Variants in ADGRB3 observed in about 807,000 individuals in gnomAD.
ADGRB3 encodes the protein brain-specific angiogenesis inhibitor 3.
In ADGRB3, 37 loss-of-function variants were observed where a neutral mutation model predicts 193.4. That is an observed-to-expected ratio of 0.19 (90% CI 0.15 to 0.25). The LOEUF is 0.25. Ranked by LOEUF, ADGRB3 falls within the 10% of genes least tolerant of loss-of-function variation. The probability of loss-of-function intolerance (pLI) is 1.00; values close to 1 mark genes in which losing one functional copy is unlikely to be tolerated. For synonymous variants in ADGRB3, 690 were observed against 644.2 expected, an observed-to-expected ratio of 1.07 and a Z score of -1.08; for missense variants, 1,637 against 1,852.9, an observed-to-expected ratio of 0.88 and a Z score of 2.14.
At chr6:69,019,350 T>G (rs1245277059) in intron 13 of ADGRB3, among the ~76,000 whole-genome samples, 1 of 152,052 alleles carries the variant, frequency 6.6e-6, no homozygotes, top group Non-Finnish European at 1.5e-5. Context: ...ATATTCGTAT[T>G]CACAGATATT....
chr6:69,245,827 C>G (rs1173052430), intron 20 of ADGRB3, among the ~76,000 whole-genome samples: 1 of 152,108 alleles, frequency 6.6e-6, no homozygotes, highest in Non-Finnish European at 1.5e-5. Flanking sequence ...CTATACACTT[C>G]TTAGGGCAGG....
intron 11 of ADGRB3, among the ~76,000 whole-genome samples, chr6:69,010,632 A>T (rs920157155): frequency 5.3e-5 from 8 of 152,006 alleles, no homozygotes; most frequent in Admixed American, 2.6e-4. Flanking sequence ...GGTGGGCAAC[A>T]TCTGCCCATA....
chr6:69,249,616 T>C (rs986168367), intron 20 of ADGRB3, among the ~76,000 whole-genome samples: 1 of 152,132 alleles, frequency 6.6e-6, no homozygotes, highest in East Asian at 1.9e-4. Flanking sequence ...CCAATCAAAT[T>C]CATGCATAGA....
intron 20 of ADGRB3, among the ~76,000 whole-genome samples, chr6:69,254,320 C>G (rs1211457834): frequency 6.6e-6 from 1 of 152,070 alleles, no homozygotes; most frequent in African/African-American, 2.4e-5. Flanking sequence ...TTATTCAAGA[C>G]GTAAAATAAG....
chr6:69,353,076 A>G (rs1365098371), intron 26 of ADGRB3, among the ~76,000 whole-genome samples: 2 of 152,224 alleles, frequency 1.3e-5, no homozygotes, highest in Admixed American at 6.5e-5. Context: ...AAAGATGTCC[A>G]TCAACAGCTC....
chr6:69,273,840 G>T (rs1260654114), intron 20 of ADGRB3, among the ~76,000 whole-genome samples: 1 of 152,188 alleles, frequency 6.6e-6, no homozygotes, highest in African/African-American at 2.4e-5. Context: ...CCGCCATATG[G>T]ACTACTATTC....
In ADGRB3 at chr6:68,670,893, T is replaced by C. The variant is rs1276716544; in HGVS notation, c.757+31461T>C. 3.9e-5 allele frequency among the ~76,000 whole-genome samples: 6 copies of C among 152,008 alleles called. No homozygotes were observed. The East Asian group carries it at 7.7e-4, about 20-fold the overall frequency. ...TACTGATTCCTTCCATCCATGAACA[T>C]TGAATATTTTTCAATTTTTTTGGTG... On this transcript the variant is annotated intron_variant, in intron 3 of 31. Transcript: ENST00000370598.
In ADGRB3 at chr6:68,638,869, C is replaced by A. The variant is rs781350346; in HGVS notation, c.194C>A (p.Thr65Asn). ...TGGACGCTGGAAAATCCAGATCCAA[C>A]CAAATATAGCATTTACCTGAAATTT... ...CTWTLENPDPTKYSIYLKFSK... is the reference protein window; with the variant it reads ...CTWTLENPDPNKYSIYLKFSK... Residue 65 changes from threonine (T) to asparagine (N), a missense_variant, in exon 3 of 32, where the codon ACC (threonine) becomes AAC (asparagine). By Grantham distance (65) the Thr-to-Asn change is moderately conservative. Around this residue, in one of 7 missense-constraint regions of ADGRB3, gnomAD observed 365 missense variants for 409.8 expected, o/e 0.89. Transcript: ENST00000370598. 6.2e-7 allele frequency: 1 copy of A among 1,614,072 alleles called. No homozygotes were observed. Among genetic ancestry groups the A allele is most frequent in the Non-Finnish European group, 8.5e-7 (1 of 1,180,010 alleles).
intron 8 of ADGRB3, among the ~76,000 whole-genome samples, chr6:68,969,162 T>C (rs1768481866): frequency 6.6e-6 from 1 of 151,868 alleles, no homozygotes; most frequent in Non-Finnish European, 1.5e-5. Flanking sequence ...CACTGGGGAA[T>C]TGGGGAGGTT....
intron 8 of ADGRB3, among the ~76,000 whole-genome samples, chr6:68,968,816 A>T (rs1244027215): frequency 6.6e-6 from 1 of 152,134 alleles, no homozygotes; most frequent in African/African-American, 2.4e-5. Flanking sequence ...TTTGGTTGGC[A>T]TTTATAGAAA....
In ADGRB3 at chr6:68,639,010, G is replaced by T; in HGVS notation, c.335G>T (p.Cys112Phe). ...AAGAATCATTCTATAATGCAACTCTGCAATTCCAAGAATGCTTTCGTTTTT... is the reference window on the plus strand; with the variant it reads ...AAGAATCATTCTATAATGCAACTCTTCAATTCCAAGAATGCTTTCGTTTTT... ...LRKNHSIMQL[C>F]NSKNAFVFLQ... The change falls in exon 3 of 32, where the codon TGC (cysteine) becomes TTC (phenylalanine). Residue 112 changes from cysteine to phenylalanine, a missense_variant. This residue lies in a region of ADGRB3 where 365 missense variants were observed against 409.8 expected (regional missense o/e 0.89). Coordinates refer to ENST00000370598, the MANE Select transcript of ADGRB3 (RefSeq NM_001704.3). 1 of 1,613,254 alleles carries T rather than the reference G, an allele frequency of 6.2e-7. No individual in the cohort carries two copies. Among genetic ancestry groups the T allele is most frequent in the Non-Finnish European group, 8.5e-7 (1 of 1,179,768 alleles).
At chr6:69,264,334 A>G (rs1363520971) in intron 20 of ADGRB3, among the ~76,000 whole-genome samples, 2 of 151,996 alleles carry the variant, frequency 1.3e-5, no homozygotes, top group African/African-American at 2.4e-5. Flanking sequence ...CACGTGCTAA[A>G]AAACTATCAG....
rs745837760 is a variant in ADGRB3, at chr6:68,923,359, CAATT to C, written c.758-7199_758-7196del. ...AAGTAAGCCTTGAGATCTTTCAACT[CAATT>C]GATTGTAATTCAAGTACAATAAAGA... On this transcript the variant is annotated intron_variant, in intron 3 of 31. Transcript: ENST00000370598. Among the ~76,000 whole-genome samples the C allele has an allele frequency of 2.2e-4, 33 of 152,052 alleles. 1 individual carries two copies. The highest frequency in any genetic ancestry group is 1.2e-3 in the Admixed American group (19 of 15,272).
chr6:69,166,896 A>T (rs548505557), intron 17 of ADGRB3, among the ~76,000 whole-genome samples: 2 of 152,248 alleles, frequency 1.3e-5, no homozygotes, highest in South Asian at 2.1e-4. Flanking sequence ...CTTTTCTATC[A>T]ATGCTCTGTC....
chr6:69,081,415 A>G (rs1309194610), intron 17 of ADGRB3, among the ~76,000 whole-genome samples: 2 of 152,016 alleles, frequency 1.3e-5, no homozygotes, highest in Non-Finnish European at 2.9e-5. Context: ...TATTGTGGAT[A>G]AAATGTTTGC....
chr6:69,373,486 T>C (rs771729728), intron 30 of ADGRB3, among the ~76,000 whole-genome samples: 5 of 152,096 alleles, frequency 3.3e-5, no homozygotes, highest in Non-Finnish European at 7.4e-5. Flanking sequence ...AAAGTAATGA[T>C]AAGGAATCTT....
chr6:69,079,604 G>C (rs1233759497), intron 17 of ADGRB3, among the ~76,000 whole-genome samples: 1 of 151,932 alleles, frequency 6.6e-6, no homozygotes. Flanking sequence ...AGAAATAAAG[G>C]GTATGCGACT....
At chr6:68,656,731 G>T (rs1768498027) in intron 3 of ADGRB3, among the ~76,000 whole-genome samples, 1 of 151,408 alleles carries the variant, frequency 6.6e-6, no homozygotes, top group Non-Finnish European at 1.5e-5. Context: ...TATATCACTG[G>T]AAGCAATGAG....
At chr6:68,736,369 A>C (rs1455347718) in intron 3 of ADGRB3, among the ~76,000 whole-genome samples, 1 of 152,156 alleles carries the variant, frequency 6.6e-6, no homozygotes, top group East Asian at 1.9e-4. Flanking sequence ...GAATATCTCT[A>C]TTGTAATAAA....
Sources: gnomAD v4.1 joint callset for allele counts (sites outside exome capture counted in the v4.1 genomes callset) on GRCh38, gnomAD v4.1.1 for gene constraint, gnomAD v4.1.1 regional missense constraint, MANE v1.5 for transcripts, NCBI Gene and HGNC (gene_info 2026-07-23, HGNC 2026-07-21) for gene names.